EGLN1: variants seen among roughly 807,000 people sequenced by gnomAD.
EGLN1 encodes the protein egl-9 family hypoxia inducible factor 1.
In EGLN1, 17 loss-of-function variants were observed where a neutral mutation model predicts 38.3. The ratio of observed to expected loss-of-function variants is 0.44; its 90% CI spans 0.30 to 0.67. EGLN1 has a LOEUF of 0.67. Ranked by LOEUF, EGLN1 falls within the 30% of genes least tolerant of loss-of-function variation. EGLN1 has a pLI of 0.08. For missense variants in EGLN1, 477 were observed against 603.3 expected, an observed-to-expected ratio of 0.79 and a Z score of 2.19; for synonymous variants, 283 against 257.5, an observed-to-expected ratio of 1.10 and a Z score of -0.95.
At position 231,402,921 on chromosome 1, in the gene EGLN1, AT is replaced by A. The variant is rs570231105; in HGVS notation, c.891+18076del. On this transcript the variant is annotated intron_variant, in intron 1 of 4. Transcript: ENST00000366641. ...TTAGTATCTTTATTAAAAAAAAAAA[AT>A]CAATTGATATTGTTAGTGTAGGTCT... Among the ~76,000 whole-genome samples the A allele has an allele frequency of 1.6e-3, 245 of 151,482 alleles. 1 individual carries two copies. Among genetic ancestry groups the A allele is most frequent in the African/African-American group, 5.5e-3 (228 of 41,224 alleles).
Position 231,421,604 on chromosome 1 carries a change from C to T in EGLN1, c.285G>A (p.Lys95=), listed in dbSNP as rs1656614512. Residue 95 remains lysine, a synonymous_variant, in exon 1 of 5, where the codon AAG becomes AAA. Transcript: ENST00000366641. This position sits in a 1 kb window ranked among gnomAD's most constrained non-coding sequence, Gnocchi z 5.5. ...AGGCGTTGTCCCGGCGCGCCGCTGC[C>T]TTCCTGGGCTCCCGGGCCCCGGCCC... The part of the protein sequence containing the change: ...PPRAGAREPR[K]AAARRDNASG... The T allele has an allele frequency of 4.5e-6, 6 of 1,334,804 alleles. No homozygotes were observed. In the East Asian group the frequency reaches 1.9e-4, roughly 42 times the overall value. 82.7% of individuals were successfully genotyped at this position (1,334,804 alleles called of 1,614,324 possible).
chr1:231,363,931 T>C lies in EGLN1; in HGVS notation c.*2480A>G, dbSNP rs1687566645. 6.6e-6 allele frequency: 1 copy of C among 152,218 alleles called. No individual in the cohort carries two copies. The highest frequency in any genetic ancestry group is 1.5e-5 in the Non-Finnish European group (1 of 68,036). The allele number at this position is 152,218 out of a possible 1,614,324, so 9.4% of individuals were successfully genotyped here. ...GTCTGTGTTTTACAGCTGGTTAATG[T>C]GTTGAATAAAAACAGCATTATGAAG... On this transcript the variant is annotated 3_prime_UTR_variant, in exon 5 of 5. Coordinates refer to ENST00000366641, the MANE Select transcript of EGLN1 (RefSeq NM_022051.3).
intron 1 of EGLN1, among the ~76,000 whole-genome samples, chr1:231,387,912 T>C (rs1193993407): frequency 6.6e-6 from 1 of 152,212 alleles, no homozygotes; most frequent in African/African-American, 2.4e-5. Flanking sequence ...ACCTGTTTCT[T>C]TGATCCACAG....
At chr1:231,387,443 T>C (rs1431302722) in intron 1 of EGLN1, among the ~76,000 whole-genome samples, 2 of 150,012 alleles carry the variant, frequency 1.3e-5, no homozygotes, top group African/African-American at 2.5e-5. Context: ...CACTGCAAGC[T>C]CCACCTCCCG....
At position 231,421,330 on chromosome 1, in the gene EGLN1, G is replaced by C. The variant is rs1223102143; in HGVS notation, c.559C>G (p.Pro187Ala). The C allele has an allele frequency of 6.2e-7, 1 of 1,611,768 alleles. No homozygotes were observed. The highest frequency in any genetic ancestry group is 8.5e-7 in the Non-Finnish European group (1 of 1,179,334). Residue 187 changes from proline (P) to alanine (A), a missense_variant, in exon 1 of 5, where the codon CCC becomes GCC. By Grantham distance (27) the Pro-to-Ala change is conservative. This residue lies in a region of EGLN1 where 298 missense variants were observed against 288.9 expected (regional missense o/e 1.03). Transcript: ENST00000366641. The surrounding 1 kb of genome is among the most constrained non-coding windows in gnomAD (Gnocchi z 5.5). ...AGCGCCAGCTTCAGCGCCGGCAGGG[G>C]CTTCGTCTGCCCGTTGGGCCGCAGG... ...GGLRPNGQTK[P>A]LPALKLALEY...
At position 231,422,103 on chromosome 1, in the gene EGLN1, G is replaced by GCGCCTCAT. The variant is rs1032783388; in HGVS notation, c.-223_-216dup. ...CGGCGCAGCGCCGGCAGCCGCCTCA[G>GCGCCTCAT]CGCCTCATCGCCGCCGAGGGCTGAG... On this transcript the variant is annotated 5_prime_UTR_variant, in exon 1 of 5. In the 5' UTR this introduces an upstream ATG that the reference lacks. Transcript: ENST00000366641. The GCGCCTCAT allele has an allele frequency of 4.9e-5, 20 of 412,256 alleles. No homozygotes were observed. The highest frequency in any genetic ancestry group is 1.3e-3 in the Middle Eastern group (2 of 1,522). 25.5% of individuals were successfully genotyped at this position (412,256 alleles called of 1,614,324 possible). A position where few individuals can be genotyped will look rare whatever the true frequency, so the allele number is the denominator to read the frequency against.
chr1:231,398,880 G>T (rs1401328924), intron 1 of EGLN1, among the ~76,000 whole-genome samples: 2 of 152,152 alleles, frequency 1.3e-5, no homozygotes, highest in Admixed American at 6.5e-5. Flanking sequence ...GACAATGAAT[G>T]AATCAATTCA....
chr1:231,373,682 G>A (rs1687885351), intron 2 of EGLN1, among the ~76,000 whole-genome samples: 1 of 30,996 alleles, frequency 3.2e-5, no homozygotes, highest in South Asian at 1.2e-3. Context: ...GTGTGCGTGT[G>A]TGTGTGTGTG....
intron 1 of EGLN1, among the ~76,000 whole-genome samples, chr1:231,403,555 G>A (rs778912239): frequency 2.6e-5 from 4 of 151,922 alleles, no homozygotes; most frequent in Non-Finnish European, 5.9e-5. Flanking sequence ...TGGATCACCT[G>A]AGGTTGGGAG....
chr1:231,405,694 C>G (rs546901014), intron 1 of EGLN1, among the ~76,000 whole-genome samples: 114 of 152,144 alleles, frequency 7.5e-4, no homozygotes, highest in Middle Eastern at 3.4e-3. Context: ...ATCTTCCCCA[C>G]CCCACACTAC....
intron 1 of EGLN1, among the ~76,000 whole-genome samples, chr1:231,382,305 T>C (rs1034628017): frequency 6.6e-6 from 1 of 152,164 alleles, no homozygotes; most frequent in Admixed American, 6.5e-5. Flanking sequence ...TTTAATGGAC[T>C]AGAGGACATG....
Position 231,412,168 on chromosome 1 carries a change from A to T in EGLN1, c.891+8830T>A, listed in dbSNP as rs145340747. 5.9e-5 allele frequency among the ~76,000 whole-genome samples: 9 copies of T among 152,162 alleles called. No individual in the cohort carries two copies. In the East Asian group the frequency reaches 1.7e-3, roughly 29 times the overall value. On this transcript the variant is annotated intron_variant, in intron 1 of 4. Transcript: ENST00000366641. ...GGGATGAAAGGCTCATACAACACTG[A>T]TATCTTCACAGATCATCCAATACAG...
chr1:231,395,338 C>T (rs1185130592), intron 1 of EGLN1, among the ~76,000 whole-genome samples: 2 of 152,218 alleles, frequency 1.3e-5, no homozygotes, highest in African/African-American at 4.8e-5. Context: ...TCTTTAGTGT[C>T]TCAGTGATCT....
At chr1:231,388,504 A>T (rs1017935545) in intron 1 of EGLN1, among the ~76,000 whole-genome samples, 1 of 151,650 alleles carries the variant, frequency 6.6e-6, no homozygotes, top group Non-Finnish European at 1.5e-5. Context: ...TCTCAGTCTC[A>T]CTCTGTCGCC....
intron 3 of EGLN1, among the ~76,000 whole-genome samples, chr1:231,368,052 G>A (rs1003272829): frequency 6.6e-6 from 1 of 152,152 alleles, no homozygotes; most frequent in African/African-American, 2.4e-5. Context: ...GCCGTGCATG[G>A]TGGCACATGC....
At chr1:231,404,602 A>AC (rs1030963635) in intron 1 of EGLN1, among the ~76,000 whole-genome samples, 2 of 151,494 alleles carry the variant, frequency 1.3e-5, no homozygotes, top group Non-Finnish European at 1.5e-5. Flanking sequence ...ACATAGCAAG[A>AC]CCCCGTCTCT....
At chr1:231,399,843 T>C (rs1271033893) in intron 1 of EGLN1, among the ~76,000 whole-genome samples, 2 of 152,052 alleles carry the variant, frequency 1.3e-5, no homozygotes, top group African/African-American at 2.4e-5. Context: ...CACTACGAAA[T>C]GGTTAAGGAG....
chr1:231,372,443 AAATT>A (rs1291346807), intron 2 of EGLN1, among the ~76,000 whole-genome samples: 4 of 152,232 alleles, frequency 2.6e-5, no homozygotes, highest in Non-Finnish European at 5.9e-5. Context: ...AGTATTATAG[AAATT>A]ATAAGATCAG....
intron 1 of EGLN1, among the ~76,000 whole-genome samples, chr1:231,379,836 G>C (rs1440776195): frequency 6.6e-6 from 1 of 152,032 alleles, no homozygotes; most frequent in African/African-American, 2.4e-5. Context: ...AAACGACACT[G>C]AACAGAATAA....
Sources: gnomAD v4.1 joint callset for allele counts (sites outside exome capture counted in the v4.1 genomes callset) on GRCh38, gnomAD v4.1.1 for gene constraint, gnomAD v4.1.1 regional missense constraint, Gnocchi (gnomAD v3.1) non-coding constraint, MANE v1.5 for transcripts, NCBI Gene and HGNC (gene_info 2026-07-23, HGNC 2026-07-21) for gene names.